Variants in ZNF577 observed in about 807,000 individuals in gnomAD.
ZNF577 encodes the protein zinc finger protein 577.
Under a neutral mutation model 13.9 loss-of-function variants are expected in ZNF577, and 14 were observed. The observed-to-expected ratio is 1.00, with a 90% confidence interval of 0.66 to 1.57. The LOEUF is 1.57. Ranked by LOEUF, ZNF577 falls within the 40% of genes most tolerant of loss-of-function variation. The pLI, the probability that ZNF577 is intolerant of heterozygous loss-of-function variation, is 0.00. For synonymous variants in ZNF577, 203 were observed against 202.9 expected (o/e 1.00, Z 0.00); for missense variants, 555 against 579.2 (o/e 0.96, Z 0.43).
At chr19:51,809,246 A>T (rs982884403) in intron 10 of ZNF577, among the ~76,000 whole-genome samples, 7 of 152,354 alleles carry the variant, frequency 4.6e-5, no homozygotes, top group Non-Finnish European at 1.0e-4. Context: ...GTCCATCTGG[A>T]CCAAGACAAG....
chr19:51,877,148 A>C (rs1236115645), intron 5 of ZNF577, 134 bp downstream of exon 5: 10 of 651,776 alleles, frequency 1.5e-5, no homozygotes, highest in Non-Finnish European at 2.4e-5. Context: ...CAGATGCAGA[A>C]AGGCTGATTA....
Position 51,824,807 on chromosome 19 carries a change from G to A in ZNF577, c.*600-13133C>T, listed in dbSNP as rs2084220090. The A allele has an allele frequency of 2.5e-6, 4 of 1,603,962 alleles. No homozygotes were observed. In the East Asian group the frequency reaches 6.7e-5, roughly 27 times the overall value. ...CTGAGGAGACGGAGTTACAAGCAAT[G>A]TGAGGTCGGGGATATTTTTGGGCTC... On this transcript the variant is annotated intron_variant and NMD_transcript_variant, in intron 9 of 10. Coordinates refer to the ZNF577 transcript ENST00000638827. This position sits in a 1 kb window ranked among gnomAD's most constrained non-coding sequence, Gnocchi z 4.7.
At chr19:51,820,602 A>G (rs2084181162) in intron 9 of ZNF577, among the ~76,000 whole-genome samples, 1 of 152,132 alleles carries the variant, frequency 6.6e-6, no homozygotes, top group Non-Finnish European at 1.5e-5. Context: ...TGACTTAGAG[A>G]TTATTGATAC....
At chr19:51,864,280 C>A (rs1475199782), downstream of ZNF577, among the ~76,000 whole-genome samples, 1 of 152,130 alleles carries the variant, frequency 6.6e-6, no homozygotes, top group Non-Finnish European at 1.5e-5. Flanking sequence ...TTCCGCAACA[C>A]TTTTGTCAAA....
At chr19:51,815,190 G>C (rs976332707) in intron 9 of ZNF577, among the ~76,000 whole-genome samples, 10 of 152,180 alleles carry the variant, frequency 6.6e-5, no homozygotes, top group Non-Finnish European at 1.3e-4. Flanking sequence ...CAAAAATCAA[G>C]TGACTAGAGG....
At chr19:51,860,277 T>A (rs910133962) in intron 5 of ZNF577, 3 of 152,362 alleles carry the variant, frequency 2.0e-5, no homozygotes, top group East Asian at 3.9e-4. Context: ...AAAATCTCTG[T>A]ATGGAGCAAA....
Position 51,871,187 on chromosome 19 carries a change from AC to A in ZNF577, c.*1344del, listed in dbSNP as rs962124611. 6.6e-6 allele frequency: 1 copy of A among 152,064 alleles called. No individual in the cohort carries two copies. Among genetic ancestry groups the A allele is most frequent in the Non-Finnish European group, 1.5e-5 (1 of 68,024 alleles). 9.4% of individuals were successfully genotyped at this position (152,064 alleles called of 1,614,324 possible). A position where few individuals can be genotyped will look rare whatever the true frequency, so the allele number is the denominator to read the frequency against. ...GGCATGATCATAGCTCACTGCAGTC[AC>A]TGCAGCCTAGAACTCCTGGACTCAA... On this transcript the variant is annotated 3_prime_UTR_variant, in exon 6 of 6. Coordinates refer to ENST00000638348, the MANE Select transcript of ZNF577 (RefSeq NM_001370449.1).
At chr19:51,851,922 A>G (rs531612764) in intron 5 of ZNF577, among the ~76,000 whole-genome samples, 36 of 152,274 alleles carry the variant, frequency 2.4e-4, no homozygotes, top group African/African-American at 8.2e-4. Context: ...ACCAACCCCA[A>G]TGAATACCCT....
At chr19:51,821,864 T>A (rs2084192543) in intron 9 of ZNF577, among the ~76,000 whole-genome samples, 1 of 152,122 alleles carries the variant, frequency 6.6e-6, no homozygotes, top group African/African-American at 2.4e-5. Flanking sequence ...AATGTTATTA[T>A]GAGTATTATT....
chr19:51,847,905 C>G (rs568246434), intron 5 of ZNF577, among the ~76,000 whole-genome samples: 66 of 152,174 alleles, frequency 4.3e-4, no homozygotes, highest in Non-Finnish European at 8.8e-4. Flanking sequence ...AGCTATTATA[C>G]AAACTCAGTA....
In ZNF577 at chr19:51,872,320, A is replaced by C; in HGVS notation, c.*212T>G. 2.1e-6 allele frequency: 1 copy of C among 473,148 alleles called. No individual in the cohort carries two copies. Among genetic ancestry groups the C allele is most frequent in the Non-Finnish European group, 3.7e-6 (1 of 268,514 alleles). The allele number at this position is 473,148 out of a possible 1,614,324, so 29.3% of individuals were successfully genotyped here. ...TCCTGTAAGAATTCTTTTGATACCA[A>C]TTGAGATATCATCTCCAGGTAAAGA... On this transcript the variant is annotated 3_prime_UTR_variant, in exon 6 of 6. Coordinates refer to ENST00000638348, the MANE Select transcript of ZNF577 (RefSeq NM_001370449.1).
At chr19:51,865,298 T>C (rs1335985768), downstream of ZNF577, among the ~76,000 whole-genome samples, 1 of 152,202 alleles carries the variant, frequency 6.6e-6, no homozygotes, top group Non-Finnish European at 1.5e-5. Flanking sequence ...GGTTTCGCCA[T>C]GTTGGCCAGG....
chr19:51,854,946 CTCTT>C (rs137865358), intron 5 of ZNF577, among the ~76,000 whole-genome samples: 28 of 152,240 alleles, frequency 1.8e-4, no homozygotes, highest in Non-Finnish European at 3.7e-4. Flanking sequence ...GAGACCTGTT[CTCTT>C]TGTTGCTACT....
chr19:51,816,528 G>A (rs546255648), intron 9 of ZNF577, among the ~76,000 whole-genome samples: 3 of 152,324 alleles, frequency 2.0e-5, no homozygotes, highest in East Asian at 3.9e-4. Context: ...GATTACTGGC[G>A]TGAACCACCA....
At chr19:51,880,960 A>G (rs989051022) in intron 1 of ZNF577, 83 bp from the exon 2 acceptor site, 1 of 153,264 alleles carries the variant, frequency 6.5e-6, no homozygotes, top group African/African-American at 2.4e-5. Context: ...GACTCACATT[A>G]ACATCAGGTT....
At position 51,872,576 on chromosome 19, in the gene ZNF577, C is replaced by T; in HGVS notation, c.1414G>A (p.Val472Ile). The change falls in exon 6 of 6, where the codon GTA becomes ATA. Residue 472 changes from valine (V) to isoleucine (I), a missense_variant. By Grantham distance (29) the Val-to-Ile change is conservative (BLOSUM62 3). Coordinates refer to ENST00000638348, the MANE Select transcript of ZNF577 (RefSeq NM_001370449.1). ...LTNEVNVAPS[V>I]INYILYLTDI... is the part of the protein sequence containing the mutation. ...GTAAGATACAAGATATAATTTATTA[C>T]TGATGGGGCCACATTCACTTCATTT... is the stretch of plus-strand genomic sequence containing the variant. The T allele has an allele frequency of 6.2e-7, 1 of 1,609,992 alleles. No homozygotes were observed. The highest frequency in any genetic ancestry group is 8.5e-7 in the Non-Finnish European group (1 of 1,178,510).
intron 1 of ZNF577, chr19:51,886,396 G>A (rs2084947444): frequency 6.6e-6 from 1 of 151,942 alleles, no homozygotes; most frequent in African/African-American, 2.4e-5. Context: ...CTCCAGCAAT[G>A]GATTATGGAT....
chr19:51,826,999 G>A (rs2084235470), intron 9 of ZNF577, among the ~76,000 whole-genome samples: 1 of 152,122 alleles, frequency 6.6e-6, no homozygotes, highest in Admixed American at 6.6e-5. Context: ...AGAAGTGATT[G>A]GGGAAGTCAC....
At chr19:51,813,813 C>T (rs974957552) in intron 9 of ZNF577, among the ~76,000 whole-genome samples, 4 of 152,136 alleles carry the variant, frequency 2.6e-5, no homozygotes, top group African/African-American at 9.7e-5. Flanking sequence ...GGATTACAGG[C>T]ATAAGCCACC....
Sources: gnomAD v4.1 joint callset for allele counts (sites outside exome capture counted in the v4.1 genomes callset) on GRCh38, gnomAD v4.1.1 for gene constraint, Gnocchi (gnomAD v3.1) non-coding constraint, MANE v1.5 for transcripts, NCBI Gene and HGNC (gene_info 2026-07-23, HGNC 2026-07-21) for gene names.